EXOC2: variants seen among roughly 807,000 people sequenced by gnomAD.
The protein encoded by EXOC2 is SEC5-like 1.
EXOC2 carries 70 observed loss-of-function variants against 131.8 expected under a neutral mutation model. The observed-to-expected ratio is 0.53, with a 90% confidence interval of 0.44 to 0.65. EXOC2 has a LOEUF of 0.65. Ranked by LOEUF, EXOC2 falls within the 30% of genes least tolerant of loss-of-function variation. The probability of loss-of-function intolerance (pLI) is 0.00; values close to 1 mark genes in which losing one functional copy is unlikely to be tolerated. For missense variants in EXOC2, 923 were observed against 1,108.6 expected, an observed-to-expected ratio of 0.83 and a Z score of 2.38; for synonymous variants, 411 against 398.4, an observed-to-expected ratio of 1.03 and a Z score of -0.38.
intron 23 of EXOC2, among the ~76,000 whole-genome samples, chr6:502,677 GA>G (rs35601508): frequency 1.2e-4 from 18 of 149,132 alleles, no homozygotes; most frequent in African/African-American, 3.4e-4. Flanking sequence ...AGAAAATTTG[GA>G]AAAAAAAAAT....
At chr6:492,520 TGAATG>T (rs1236655161) in intron 25 of EXOC2, among the ~76,000 whole-genome samples, 14 of 152,188 alleles carry the variant, frequency 9.2e-5, no homozygotes, top group Non-Finnish European at 1.8e-4. Context: ...CATCAGCTGA[TGAATG>T]GATAAATAAA....
chr6:692,337 A>C (rs1321249801), intron 1 of EXOC2, among the ~76,000 whole-genome samples: 1 of 152,246 alleles, frequency 6.6e-6, no homozygotes, highest in Non-Finnish European at 1.5e-5. Flanking sequence ...TTTTCTTAAC[A>C]ATCTTGGGAT....
chr6:621,277 A>C (rs1761277231), intron 4 of EXOC2, among the ~76,000 whole-genome samples: 6 of 152,194 alleles, frequency 3.9e-5, no homozygotes, highest in Admixed American at 3.9e-4. Flanking sequence ...CTCAGTGAAG[A>C]CGGTCACATG....
chr6:505,759 A>G (rs1764514921), intron 23 of EXOC2, among the ~76,000 whole-genome samples: 1 of 152,210 alleles, frequency 6.6e-6, no homozygotes, highest in South Asian at 2.1e-4. Context: ...ATCATCTGCC[A>G]TTCTCCTTCT....
At chr6:637,417 T>A (rs147403937) in intron 2 of EXOC2, among the ~76,000 whole-genome samples, 2 of 152,204 alleles carry the variant, frequency 1.3e-5, no homozygotes, top group African/African-American at 4.8e-5. Flanking sequence ...GCAGCTCTTT[T>A]GACAATCAAG....
chr6:531,216 G>T (rs187655227), intron 23 of EXOC2, among the ~76,000 whole-genome samples: 4 of 152,368 alleles, frequency 2.6e-5, no homozygotes, highest in African/African-American at 9.6e-5. Flanking sequence ...GCTGTGAGGT[G>T]GAGCATTGGG....
At chr6:635,886 C>A in intron 2 of EXOC2, among the ~76,000 whole-genome samples, 1 of 152,180 alleles carries the variant, frequency 6.6e-6, no homozygotes, top group East Asian at 1.9e-4. Context: ...TATGGTAAAA[C>A]CCCATCTCTA....
At chr6:566,331 C>T (rs977564207) in intron 13 of EXOC2, among the ~76,000 whole-genome samples, 9 of 152,120 alleles carry the variant, frequency 5.9e-5, no homozygotes, top group African/African-American at 2.2e-4. Flanking sequence ...GGCCAGTGTG[C>T]GAGTATGACC....
intron 13 of EXOC2, among the ~76,000 whole-genome samples, chr6:571,033 A>G (rs1023623558): frequency 6.6e-6 from 1 of 152,224 alleles, no homozygotes; most frequent in Non-Finnish European, 1.5e-5. Flanking sequence ...GACACACAGA[A>G]GCAGAGTACT....
intron 22 of EXOC2, among the ~76,000 whole-genome samples, chr6:538,622 C>T (rs1766606982): frequency 6.6e-6 from 1 of 152,128 alleles, no homozygotes; most frequent in Non-Finnish European, 1.5e-5. Context: ...AACACAGTGC[C>T]TCCTTTAAAA....
Position 578,810 on chromosome 6 carries a change from T to C in EXOC2, c.1193-1928A>G, listed in dbSNP as rs1205064864. 2.0e-5 allele frequency among the ~76,000 whole-genome samples: 3 copies of C among 152,236 alleles called. No homozygotes were observed. In the East Asian group the frequency reaches 5.8e-4, roughly 29 times the overall value. ...AAATACAGTGAAGAAAGTATTTTTTTCTAATTGACTTTTTTTCATATAAAA... is the reference window on the plus strand; with the variant it reads ...AAATACAGTGAAGAAAGTATTTTTTCCTAATTGACTTTTTTTCATATAAAA... On this transcript the variant is annotated intron_variant, in intron 11 of 27. Coordinates refer to ENST00000230449, the MANE Select transcript of EXOC2 (RefSeq NM_018303.6).
At chr6:623,096 C>T (rs1463712695) in intron 4 of EXOC2, among the ~76,000 whole-genome samples, 3 of 152,212 alleles carry the variant, frequency 2.0e-5, no homozygotes. Context: ...AGCAGTGGGT[C>T]TGGTGAGGTC....
intron 12 of EXOC2, among the ~76,000 whole-genome samples, chr6:573,123 A>T (rs995752186): frequency 6.6e-6 from 1 of 152,276 alleles, no homozygotes; most frequent in African/African-American, 2.4e-5. Flanking sequence ...GAAGGAATCC[A>T]GTTATCACAA....
rs530445356 is a variant in EXOC2, at chr6:640,674, G to A, written c.-43-2813C>T. The stretch of plus-strand genomic sequence containing the variant: ...GACACACACAGAGGGAAGGACATAC[G>A]AAGACTCATGAGAAGACGCTGTCTA... On this transcript the variant is annotated intron_variant, in intron 1 of 27. Coordinates refer to ENST00000230449, the MANE Select transcript of EXOC2 (RefSeq NM_018303.6). 1.5e-4 allele frequency among the ~76,000 whole-genome samples: 23 copies of A among 152,262 alleles called. No homozygotes were observed. The South Asian group carries it at 4.1e-3, about 27-fold the overall frequency.
chr6:565,343 T>C (rs1157100942), intron 13 of EXOC2, among the ~76,000 whole-genome samples: 1 of 152,202 alleles, frequency 6.6e-6, no homozygotes, highest in Non-Finnish European at 1.5e-5. Flanking sequence ...CATTTTAGTT[T>C]TAAATACTAT....
chr6:525,491 C>T (rs1359334927), intron 23 of EXOC2: 1 of 152,178 alleles, frequency 6.6e-6, no homozygotes, highest in Non-Finnish European at 1.5e-5. Flanking sequence ...TGTCAAATGA[C>T]TTGCAGAAAC....
intron 3 of EXOC2, 28 bp from the exon 4 acceptor site, chr6:629,989 T>C: frequency 6.2e-7 from 1 of 1,612,048 alleles, no homozygotes; most frequent in African/African-American, 1.3e-5. Context: ...ATATGCTTAA[T>C]AAGATGAAGC....
chr6:618,200 T>C (rs1457364364), intron 5 of EXOC2, among the ~76,000 whole-genome samples: 1 of 152,192 alleles, frequency 6.6e-6, no homozygotes, highest in East Asian at 1.9e-4. Context: ...ACACAGATCA[T>C]CCAGTGATAG....
intron 26 of EXOC2, among the ~76,000 whole-genome samples, chr6:490,761 T>A (rs1430063902): frequency 6.6e-6 from 1 of 152,212 alleles, no homozygotes; most frequent in Non-Finnish European, 1.5e-5. Context: ...TTATCAAATT[T>A]CCACTACAAA....
Sources: gnomAD v4.1 joint callset for allele counts (sites outside exome capture counted in the v4.1 genomes callset) on GRCh38, gnomAD v4.1.1 for gene constraint, MANE v1.5 for transcripts, NCBI Gene and HGNC (gene_info 2026-07-23, HGNC 2026-07-21) for gene names.